Variants in KCNJ13 observed in about 807,000 individuals in gnomAD.
KCNJ13 encodes inward rectifier potassium channel 13.
KCNJ13 carries 9 observed loss-of-function variants against 24.6 expected under a neutral mutation model. The ratio of observed to expected loss-of-function variants is 0.37; its 90% CI spans 0.22 to 0.64. KCNJ13 has a LOEUF of 0.64. Ranked by LOEUF, KCNJ13 falls within the 30% of genes least tolerant of loss-of-function variation. The pLI is 0.64. For synonymous variants in KCNJ13, 148 were observed against 154.7 expected (o/e 0.96, Z 0.32); for missense variants, 337 against 443.8 (o/e 0.76, Z 2.16).
chr2:232,768,152 T>C lies in KCNJ13; in HGVS notation c.*39A>G. 1.2e-6 allele frequency: 2 copies of C among 1,604,402 alleles called. No individual in the cohort carries two copies. The highest frequency in any genetic ancestry group is 1.7e-6 in the Non-Finnish European group (2 of 1,172,042). ...AGTAAAGAAAAAGTAGCTGCATAAC[T>C]GGCTGGGTGTATTTAATACATTAAA... On this transcript the variant is annotated 3_prime_UTR_variant, in exon 3 of 3. Coordinates refer to ENST00000233826, the MANE Select transcript of KCNJ13 (RefSeq NM_002242.4).
In KCNJ13 at chr2:232,768,813, C is replaced by A; in HGVS notation, c.461G>T (p.Gly154Val). 1 of 1,600,448 alleles carries A rather than the reference C, an allele frequency of 6.2e-7. No individual in the cohort carries two copies. The highest frequency in any genetic ancestry group is 8.5e-7 in the Non-Finnish European group (1 of 1,171,810). ...CCGGGCAATCTTCGCCACAAAAGCA[C>A]CTAAATAAGAAATTATTGATTTTTT... ...LGLMLEAFITGAFVAKIARPK... is the reference protein window; with the variant it reads ...LGLMLEAFITVAFVAKIARPK... Residue 154 changes from glycine (G) to valine (V), a missense_variant and splice_region_variant, in exon 3 of 3, where the codon GGT becomes GTT. By Grantham distance (109) the Gly-to-Val change is moderately radical (BLOSUM62 -3). Around this residue, in one of 3 missense-constraint regions of KCNJ13, gnomAD observed 235 missense variants for 286.9 expected, o/e 0.82. Coordinates refer to ENST00000233826, the MANE Select transcript of KCNJ13 (RefSeq NM_002242.4).
At chr2:232,776,271 C>A in intron 1 of KCNJ13, 174 bp downstream of exon 1, 2 of 488,828 alleles carry the variant, frequency 4.1e-6, no homozygotes, top group Non-Finnish European at 7.3e-6. Flanking sequence ...GCTGTTATTG[C>A]ATTTTTAAGA....
chr2:232,772,348 A>G (rs1324559157), intron 1 of KCNJ13, among the ~76,000 whole-genome samples: 1 of 152,212 alleles, frequency 6.6e-6, no homozygotes, highest in Non-Finnish European at 1.5e-5. Flanking sequence ...GGGGGTAGAA[A>G]GAGAATTGTT....
intron 1 of KCNJ13, among the ~76,000 whole-genome samples, chr2:232,772,521 G>A (rs929428296): frequency 1.3e-5 from 2 of 152,188 alleles, no homozygotes; most frequent in African/African-American, 2.4e-5. Flanking sequence ...TTAGTTTTCT[G>A]CTGCAAACAG....
Position 232,768,622 on chromosome 2 carries a change from A to G in KCNJ13, c.652T>C (p.Tyr218His), listed in dbSNP as rs139594245. The G allele has an allele frequency of 1.3e-5, 21 of 1,614,146 alleles. No homozygotes were observed. The African/African-American group carries it at 2.1e-4, about 16-fold the overall frequency. The change falls in exon 3 of 3, where the codon TAC (tyrosine) becomes CAC (histidine). Residue 218 changes from tyrosine (Y) to histidine (H), a missense_variant. Transcript: ENST00000233826. ...LYQERENGKL[Y>H]QTSVDFHLDG... ...AGGTGGAAATCCACACTGGTCTGGT[A>G]GAGTTTGCCATTTTCTCTTTCCTGA...
chr2:232,769,980 G>T (rs1699165800), intron 2 of KCNJ13, among the ~76,000 whole-genome samples: 1 of 152,094 alleles, frequency 6.6e-6, no homozygotes, highest in African/African-American at 2.4e-5. Flanking sequence ...TGGTGGTATT[G>T]TTTTTTGTTG....
chr2:232,776,221 T>TAAAA (rs2106347286), intron 1 of KCNJ13, among the ~76,000 whole-genome samples: 1 of 152,340 alleles, frequency 6.6e-6, no homozygotes, highest in South Asian at 2.1e-4. Flanking sequence ...ATACATTTAA[T>TAAAA]AAAACAGTTA....
At position 232,776,436 on chromosome 2, in the gene KCNJ13, T is replaced by C; in HGVS notation, c.-17+9A>G. 6.2e-7 allele frequency: 1 copy of C among 1,601,326 alleles called. No homozygotes were observed. The highest frequency in any genetic ancestry group is 8.5e-7 in the Non-Finnish European group (1 of 1,171,100). On this transcript the variant is annotated intron_variant, in intron 1 of 2. Transcript: ENST00000233826. ...GGAAAGAAGAATGGATATTATTGCA[T>C]GTACTCACCAGTTCTTTTGCTGGGT... is the stretch of plus-strand genomic sequence containing the variant.
Position 232,767,810 on chromosome 2 carries a change from T to C in KCNJ13, c.*381A>G. On this transcript the variant is annotated 3_prime_UTR_variant, in exon 3 of 3. Coordinates refer to ENST00000233826, the MANE Select transcript of KCNJ13 (RefSeq NM_002242.4). ...CAGGGAGCTAGGTTTGAAACTAAAC[T>C]GTTGCTTCAATTTGCAGATGAAAAT... 3.8e-6 allele frequency: 1 copy of C among 262,914 alleles called. No individual in the cohort carries two copies. The allele number at this position is 262,914 out of a possible 1,614,324, so 16.3% of individuals were successfully genotyped here.
In KCNJ13 at chr2:232,768,046, G is replaced by T; in HGVS notation, c.*145C>A. The T allele has an allele frequency of 2.7e-6, 2 of 748,754 alleles. No individual in the cohort carries two copies. Among genetic ancestry groups the T allele is most frequent in the South Asian group, 1.7e-5 (1 of 58,468 alleles). The allele number at this position is 748,754 out of a possible 1,614,324, so 46.4% of individuals were successfully genotyped here. On this transcript the variant is annotated 3_prime_UTR_variant, in exon 3 of 3. Coordinates refer to ENST00000233826, the MANE Select transcript of KCNJ13 (RefSeq NM_002242.4). ...TTCCAGAATGTGTATTGTTAGCTCA[G>T]CCATTCTTATGTAGGCATAGGCATG...
At chr2:232,772,941 T>C (rs1175368530) in intron 1 of KCNJ13, among the ~76,000 whole-genome samples, 2 of 152,138 alleles carry the variant, frequency 1.3e-5, no homozygotes, top group African/African-American at 4.8e-5. Context: ...GCCACCTGGG[T>C]ATATACAACT....
chr2:232,775,052 C>T (rs1699453906), intron 1 of KCNJ13, among the ~76,000 whole-genome samples: 1 of 151,770 alleles, frequency 6.6e-6, no homozygotes, highest in Non-Finnish European at 1.5e-5. Flanking sequence ...ATAATCGGAA[C>T]AGTTAAGCAG....
rs963838659 is a variant in KCNJ13, at chr2:232,771,902, G to T, written c.-16-524C>A. ...TCCTTTGAAGCCAGATTTAGTATAG[G>T]ACAAGGCTTACATTTGTGGTAAGCT... is the stretch of plus-strand genomic sequence containing the variant. On this transcript the variant is annotated intron_variant, in intron 1 of 2. Transcript: ENST00000233826. Among the ~76,000 whole-genome samples the T allele has an allele frequency of 3.3e-5, 5 of 152,154 alleles. No homozygotes were observed. In the East Asian group the frequency reaches 9.6e-4, roughly 29 times the overall value.
In KCNJ13 at chr2:232,768,361, G is replaced by A. The variant is rs1699065038; in HGVS notation, c.913C>T (p.Arg305Ter). 6 of 1,614,084 alleles carry A rather than the reference G, an allele frequency of 3.7e-6. No homozygotes were observed. Among genetic ancestry groups the A allele is most frequent in the Non-Finnish European group, 3.4e-6 (4 of 1,180,008 alleles). The change falls in exon 3 of 3, where the codon CGA becomes TGA. Residue 305 changes from arginine to a stop codon, truncating the protein, a stop_gained. Transcript: ENST00000233826. LOFTEE classifies it high-confidence loss of function. ...LHHCFASLLT[R>*]GSKGEYQIKM... ...ATTTGATATTCACCTTTGGAACCTC[G>A]GGTCAACAGAGATGCAAAACAGTGA...
rs757304681 is a variant in KCNJ13 at position 232,768,789 on chromosome 2, C to T, written c.485G>A (p.Arg162Gln). 1.6e-4 allele frequency: 264 copies of T among 1,600,778 alleles called. No individual in the cohort carries two copies. Among genetic ancestry groups the T allele is most frequent in the South Asian group, 6.0e-4 (54 of 90,138 alleles). ...AATTGAAAAAGCTCGATTTTTTGGC[C>T]GGGCAATCTTCGCCACAAAAGCACC... ...ITGAFVAKIARPKNRAFSIRF... is the reference protein window; with the variant it reads ...ITGAFVAKIAQPKNRAFSIRF... The change falls in exon 3 of 3, where the codon CGG (arginine) becomes CAG (glutamine). Residue 162 changes from arginine (R) to glutamine (Q), a missense_variant. Arg to Gln is a conservative substitution (Grantham distance 43). This residue lies in a region of KCNJ13 where 235 missense variants were observed against 286.9 expected (regional missense o/e 0.82). Coordinates refer to ENST00000233826, the MANE Select transcript of KCNJ13 (RefSeq NM_002242.4).
intron 2 of KCNJ13, among the ~76,000 whole-genome samples, chr2:232,770,185 A>G (rs1033155360): frequency 1.3e-5 from 2 of 152,232 alleles, no homozygotes; most frequent in South Asian, 2.1e-4. Context: ...ATCATTCTTC[A>G]TACGGCCCAA....
In KCNJ13 at chr2:232,765,949, G is replaced by C. The variant is rs556916615; in HGVS notation, c.*2242C>G. On this transcript the variant is annotated 3_prime_UTR_variant, in exon 3 of 3. Coordinates refer to ENST00000233826, the MANE Select transcript of KCNJ13 (RefSeq NM_002242.4). ...GTAGTCTTCCTGATCATGTGTGCAA[G>C]ACTTCATGACCAAGCTCCCAGATGA... is the stretch of plus-strand genomic sequence containing the variant. The C allele has an allele frequency of 4.3e-5, 20 of 463,210 alleles. No homozygotes were observed. Among genetic ancestry groups the C allele is most frequent in the African/African-American group, 3.7e-4 (18 of 48,538 alleles). The allele number at this position is 463,210 out of a possible 1,614,324, so 28.7% of individuals were successfully genotyped here.
intron 1 of KCNJ13, among the ~76,000 whole-genome samples, chr2:232,772,035 A>G (rs1221966623): frequency 1.3e-5 from 2 of 152,138 alleles, no homozygotes; most frequent in African/African-American, 4.8e-5. Flanking sequence ...CCTAGGCTGG[A>G]GTGCAGTGGC....
At chr2:232,772,142 G>C (rs1175964308) in intron 1 of KCNJ13, among the ~76,000 whole-genome samples, 3 of 152,164 alleles carry the variant, frequency 2.0e-5, no homozygotes, top group Non-Finnish European at 4.4e-5. Context: ...TCAGACTCCT[G>C]TTCTCAAGCC....
Sources: gnomAD v4.1 joint callset for allele counts (sites outside exome capture counted in the v4.1 genomes callset) on GRCh38, gnomAD v4.1.1 for gene constraint, gnomAD v4.1.1 regional missense constraint, MANE v1.5 for transcripts, NCBI Gene and HGNC (gene_info 2026-07-23, HGNC 2026-07-21) for gene names.